Variants in PTPRK observed in about 807,000 individuals in gnomAD.
PTPRK encodes protein tyrosine phosphatase receptor type K.
PTPRK carries 75 observed loss-of-function variants against 178.0 expected under a neutral mutation model. The ratio of observed to expected loss-of-function variants is 0.42; its 90% CI spans 0.35 to 0.51. The LOEUF (loss-of-function observed/expected upper bound fraction) is 0.51. Ranked by LOEUF, PTPRK falls within the 20% of genes least tolerant of loss-of-function variation. The pLI is 0.02. For synonymous variants in PTPRK, 637 were observed against 620.6 expected (o/e 1.03, Z -0.39); for missense variants, 1,441 against 1,797.8 (o/e 0.80, Z 3.59).
intron 16 of PTPRK, among the ~76,000 whole-genome samples, chr6:127,997,270 A>G (rs1418768516): frequency 6.6e-6 from 1 of 152,134 alleles, no homozygotes; most frequent in Non-Finnish European, 1.5e-5. Flanking sequence ...AATGAGAAGT[A>G]GAAGTAGCAA....
At chr6:128,131,635 C>A (rs889575204) in intron 7 of PTPRK, among the ~76,000 whole-genome samples, 1 of 152,200 alleles carries the variant, frequency 6.6e-6, no homozygotes, top group Non-Finnish European at 1.5e-5. Context: ...AGGACGCCTG[C>A]AGAACAATAT....
At chr6:128,007,968 G>T in intron 14 of PTPRK, 3 of 987,774 alleles carry the variant, frequency 3.0e-6, no homozygotes, top group Non-Finnish European at 4.3e-6. Flanking sequence ...ACCACAGAGG[G>T]AGACAACAGC....
chr6:128,417,418 A>C (rs1842969203), intron 1 of PTPRK, among the ~76,000 whole-genome samples: 1 of 152,202 alleles, frequency 6.6e-6, no homozygotes, highest in South Asian at 2.1e-4. Context: ...ACCTCCAAAG[A>C]GAAGTTTATA....
chr6:128,057,103 T>G (rs1264539430), intron 13 of PTPRK, among the ~76,000 whole-genome samples: 1 of 152,226 alleles, frequency 6.6e-6, no homozygotes, highest in Non-Finnish European at 1.5e-5. Flanking sequence ...CCTTAAATTA[T>G]CCCTCAGATT....
At chr6:128,350,279 T>C (rs1832955412) in intron 2 of PTPRK, among the ~76,000 whole-genome samples, 1 of 152,164 alleles carries the variant, frequency 6.6e-6, no homozygotes, top group Non-Finnish European at 1.5e-5. Flanking sequence ...CAGGGTCAGA[T>C]ATAAAAGTGT....
At chr6:128,166,478 C>A (rs1238616982) in intron 7 of PTPRK, among the ~76,000 whole-genome samples, 1 of 151,502 alleles carries the variant, frequency 6.6e-6, no homozygotes. Flanking sequence ...AGGGTCATTG[C>A]AATAATTAAA....
intron 1 of PTPRK, among the ~76,000 whole-genome samples, chr6:128,498,801 A>G (rs1855113620): frequency 6.6e-6 from 1 of 152,240 alleles, no homozygotes. Flanking sequence ...GCAGAGAGAG[A>G]GAAGACAGGC....
At chr6:128,073,637 C>T (rs1269056643) in intron 11 of PTPRK, among the ~76,000 whole-genome samples, 1 of 151,922 alleles carries the variant, frequency 6.6e-6, no homozygotes, top group Non-Finnish European at 1.5e-5. Flanking sequence ...TGGCTCAGGG[C>T]TTCTCACAAG....
intron 7 of PTPRK, among the ~76,000 whole-genome samples, chr6:128,146,476 G>A (rs184113964): frequency 1.4e-3 from 194 of 143,192 alleles, no homozygotes; most frequent in African/African-American, 4.6e-3. Flanking sequence ...ATGGAGTCTC[G>A]CTCTGTCACC....
At chr6:128,384,723 C>T (rs948015886) in intron 2 of PTPRK, among the ~76,000 whole-genome samples, 1 of 151,428 alleles carries the variant, frequency 6.6e-6, no homozygotes, top group Non-Finnish European at 1.5e-5. Flanking sequence ...ACAAGGCAAT[C>T]GTGAAATAAA....
At chr6:128,149,839 C>T (rs17055391) in intron 7 of PTPRK, among the ~76,000 whole-genome samples, 10,516 of 152,120 alleles carry the variant, frequency 0.069, 523 homozygotes, top group African/African-American at 0.13. Context: ...TATGTGCATG[C>T]AAATGATAGG....
intron 1 of PTPRK, among the ~76,000 whole-genome samples, chr6:128,508,274 G>A (rs1384039663): frequency 6.6e-6 from 1 of 152,096 alleles, no homozygotes; most frequent in Non-Finnish European, 1.5e-5. Context: ...TTACTTGCCA[G>A]CATACCCAAA....
At chr6:127,976,863 A>T in intron 26 of PTPRK, 60 bp downstream of exon 26, 2 of 1,610,506 alleles carry the variant, frequency 1.2e-6, no homozygotes, top group South Asian at 2.2e-5. Context: ...GATTTTAGCA[A>T]TTCATTACTA....
Position 128,099,629 on chromosome 6 carries a change from A to G in PTPRK, c.1163-9637T>C, listed in dbSNP as rs150963223. On this transcript the variant is annotated intron_variant, in intron 7 of 29. Coordinates refer to ENST00000368226, the MANE Select transcript of PTPRK (RefSeq NM_002844.4). ...ATAATAGAAACAGGATATAATATAC[A>G]AAAGTCAGCATGACTATTGATACAC... is the stretch of plus-strand genomic sequence containing the variant. Among the ~76,000 whole-genome samples, 320 of 152,250 alleles carry G rather than the reference A, an allele frequency of 2.1e-3. 1 individual carries two copies. Among genetic ancestry groups the G allele is most frequent in the African/African-American group, 7.2e-3 (298 of 41,564 alleles).
intron 24 of PTPRK, among the ~76,000 whole-genome samples, chr6:127,981,767 A>C (rs1424432493): frequency 6.6e-6 from 1 of 152,214 alleles, no homozygotes; most frequent in Non-Finnish European, 1.5e-5. Context: ...TTTTAAGGGC[A>C]GTGAAAACAT....
intron 7 of PTPRK, among the ~76,000 whole-genome samples, chr6:128,138,037 A>G (rs539768515): frequency 6.6e-6 from 1 of 152,266 alleles, no homozygotes; most frequent in African/African-American, 2.4e-5. Flanking sequence ...ACAGCTTTAT[A>G]AAAATAAAGA....
chr6:128,513,493 AAAAG>A (rs562818808), intron 1 of PTPRK, among the ~76,000 whole-genome samples: 3,811 of 150,228 alleles, frequency 0.025, 73 homozygotes, highest in Non-Finnish European at 0.041. Flanking sequence ...CAAAAAAAAA[AAAAG>A]AAAGAAAGAA....
chr6:128,234,861 A>G (rs1359118004), intron 5 of PTPRK, among the ~76,000 whole-genome samples: 1 of 152,176 alleles, frequency 6.6e-6, no homozygotes, highest in Admixed American at 6.5e-5. Flanking sequence ...CTGCTACACC[A>G]TATGTTCATT....
At chr6:128,028,248 G>A (rs956083033) in intron 13 of PTPRK, among the ~76,000 whole-genome samples, 1 of 152,098 alleles carries the variant, frequency 6.6e-6, no homozygotes, top group Non-Finnish European at 1.5e-5. Flanking sequence ...TATGAGAAAT[G>A]TTTAAGTAAG....
Sources: allele counts gnomAD v4.1 joint callset (sites outside exome capture counted in the v4.1 genomes callset), GRCh38; gene constraint gnomAD v4.1.1; transcripts MANE v1.5; gene names NCBI Gene and HGNC (gene_info 2026-07-23, HGNC 2026-07-21).